SLC35F1: variants seen among roughly 807,000 people sequenced by gnomAD.
SLC35F1 encodes the protein chromosome 6 open reading frame 169.
SLC35F1 carries 14 observed loss-of-function variants against 48.7 expected under a neutral mutation model. The ratio of observed to expected loss-of-function variants is 0.29; its 90% CI spans 0.19 to 0.45. The LOEUF (loss-of-function observed/expected upper bound fraction) is 0.45, where lower values mean the gene tolerates loss of function less well. SLC35F1 is among the 20% of genes least tolerant of loss of function. SLC35F1 has a pLI of 1.00. For synonymous variants in SLC35F1, 190 were observed against 202.2 expected (o/e 0.94, Z 0.51); for missense variants, 404 against 500.0 (o/e 0.81, Z 1.83).
intron 1 of SLC35F1, among the ~76,000 whole-genome samples, chr6:117,947,776 A>T (rs181311891): frequency 2.6e-4 from 39 of 152,266 alleles, no homozygotes; most frequent in African/African-American, 9.4e-4. Flanking sequence ...GTATGTATTC[A>T]TGTCAAGTTG....
intron 2 of SLC35F1, among the ~76,000 whole-genome samples, chr6:118,171,032 C>A (rs1400400080): frequency 6.6e-6 from 1 of 151,790 alleles, no homozygotes; most frequent in Non-Finnish European, 1.5e-5. Flanking sequence ...TTGCTTTTTT[C>A]TTTGTTCTTC....
At chr6:118,303,310 C>A (rs1025088614) in intron 7 of SLC35F1, among the ~76,000 whole-genome samples, 5 of 152,212 alleles carry the variant, frequency 3.3e-5, no homozygotes, top group African/African-American at 1.2e-4. Context: ...AAAGTTGAGT[C>A]CTTCCCCTAT....
chr6:118,009,013 T>C (rs1162657542), intron 1 of SLC35F1, among the ~76,000 whole-genome samples: 1 of 152,214 alleles, frequency 6.6e-6, no homozygotes, highest in African/African-American at 2.4e-5. Flanking sequence ...GAAATATCTT[T>C]TGTGTTGATA....
chr6:118,254,727 T>A (rs1775620623), intron 3 of SLC35F1, among the ~76,000 whole-genome samples: 1 of 152,234 alleles, frequency 6.6e-6, no homozygotes, highest in Non-Finnish European at 1.5e-5. Context: ...TAATGTAGAA[T>A]TAATATTTTA....
intron 1 of SLC35F1, among the ~76,000 whole-genome samples, chr6:118,042,750 A>G (rs1159326272): frequency 1.3e-5 from 2 of 152,166 alleles, no homozygotes; most frequent in Admixed American, 6.5e-5. Context: ...GCAATGGCAG[A>G]ATGAATGAAC....
At chr6:117,952,865 A>G (rs1242162094) in intron 1 of SLC35F1, among the ~76,000 whole-genome samples, 2 of 152,194 alleles carry the variant, frequency 1.3e-5, no homozygotes, top group Admixed American at 6.5e-5. Context: ...ACTTTTGAAG[A>G]TTGGTTATTG....
At chr6:118,101,214 AGT>A (rs747207417) in intron 1 of SLC35F1, among the ~76,000 whole-genome samples, 5 of 152,140 alleles carry the variant, frequency 3.3e-5, no homozygotes, top group Non-Finnish European at 5.9e-5. Flanking sequence ...TGGGGAAGAG[AGT>A]GTCTAAATTA....
chr6:118,217,006 C>T (rs1385591781), intron 2 of SLC35F1, among the ~76,000 whole-genome samples: 5 of 152,014 alleles, frequency 3.3e-5, no homozygotes, highest in Non-Finnish European at 5.9e-5. Context: ...TCAGAAGAGC[C>T]TGTGTGGATG....
chr6:118,272,434 G>C (rs79306690), intron 4 of SLC35F1, among the ~76,000 whole-genome samples: 6,058 of 152,158 alleles, frequency 0.04, 416 homozygotes, highest in African/African-American at 0.14. Flanking sequence ...ATAAATGACA[G>C]ATGTTCTAGC....
At position 117,916,598 on chromosome 6, in the gene SLC35F1, C is replaced by T. The variant is rs560843070; in HGVS notation, c.173+8699C>T. ...CAAGGCCCCAGCCAAATGGCCTGGT[C>T]TTCAGCTGGGGCACCTTGCCTGAAA... On this transcript the variant is annotated intron_variant, in intron 1 of 7. Coordinates refer to ENST00000360388, the MANE Select transcript of SLC35F1 (RefSeq NM_001029858.4). Among the ~76,000 whole-genome samples, 3 of 152,338 alleles carry T rather than the reference C, an allele frequency of 2.0e-5. No homozygotes were observed. In the South Asian group the frequency reaches 6.2e-4, roughly 32 times the overall value.
chr6:118,114,093 G>A (rs1277014359), intron 1 of SLC35F1, among the ~76,000 whole-genome samples: 1 of 152,194 alleles, frequency 6.6e-6, no homozygotes, highest in East Asian at 1.9e-4. Context: ...AGAGATATAT[G>A]CCAGTATTAT....
intron 1 of SLC35F1, among the ~76,000 whole-genome samples, chr6:117,943,386 C>T (rs1379398886): frequency 2.6e-5 from 4 of 152,148 alleles, no homozygotes; most frequent in African/African-American, 4.8e-5. Flanking sequence ...GAGCAAAATA[C>T]GTGTTATCAG....
chr6:118,220,177 T>A (rs1036960614), intron 2 of SLC35F1, among the ~76,000 whole-genome samples: 6 of 151,838 alleles, frequency 4.0e-5, no homozygotes, highest in Admixed American at 2.0e-4. Flanking sequence ...AATAAAAAAA[T>A]TAAAAATAAA....
At chr6:117,924,052 TATATACACACATA>T (rs1308239140) in intron 1 of SLC35F1, among the ~76,000 whole-genome samples, 15 of 146,294 alleles carry the variant, frequency 1.0e-4, no homozygotes, top group African/African-American at 4.0e-4. Context: ...CATGCATATG[TATATACACACATA>T]GGTACACATG....
intron 2 of SLC35F1, among the ~76,000 whole-genome samples, chr6:118,190,632 T>C (rs73766461): frequency 0.024 from 3,699 of 152,232 alleles, 161 homozygotes; most frequent in African/African-American, 0.084. Flanking sequence ...AGAGACCATT[T>C]GACATTCTAG....
At chr6:117,924,376 T>G (rs1277489196) in intron 1 of SLC35F1, among the ~76,000 whole-genome samples, 1 of 145,022 alleles carries the variant, frequency 6.9e-6, no homozygotes, top group Non-Finnish European at 1.5e-5. Context: ...TAGGTACACA[T>G]GCATATGTAT....
At chr6:117,948,401 G>C (rs916040074) in intron 1 of SLC35F1, among the ~76,000 whole-genome samples, 4 of 151,992 alleles carry the variant, frequency 2.6e-5, no homozygotes, top group Non-Finnish European at 5.9e-5. Flanking sequence ...TCTAACTCAC[G>C]TTCATATAAT....
At chr6:118,231,425 T>C (rs1003639174) in intron 2 of SLC35F1, among the ~76,000 whole-genome samples, 1 of 152,210 alleles carries the variant, frequency 6.6e-6, no homozygotes, top group African/African-American at 2.4e-5. Context: ...CTCTAAGGAA[T>C]GTATTTTCAT....
At chr6:118,274,732 G>GA (rs1229618162) in intron 4 of SLC35F1, among the ~76,000 whole-genome samples, 1 of 152,150 alleles carries the variant, frequency 6.6e-6, no homozygotes, top group Non-Finnish European at 1.5e-5. Flanking sequence ...AATTTTTAAT[G>GA]AAAAAATATT....
Sources: allele counts gnomAD v4.1 joint callset (sites outside exome capture counted in the v4.1 genomes callset), GRCh38; gene constraint gnomAD v4.1.1; transcripts MANE v1.5; gene names NCBI Gene and HGNC (gene_info 2026-07-23, HGNC 2026-07-21).